Variants in RYR3 observed in about 807,000 individuals in gnomAD.
RYR3 encodes brain ryanodine receptor-calcium release channel.
In RYR3, 207 loss-of-function variants were observed where a neutral mutation model predicts 584.3. That is an observed-to-expected ratio of 0.35 (90% CI 0.32 to 0.40). The LOEUF is 0.40. RYR3 is among the 10% of genes least tolerant of loss of function. The probability of loss-of-function intolerance (pLI) is 1.00; values close to 1 mark genes in which losing one functional copy is unlikely to be tolerated. For missense variants in RYR3, 5,616 were observed against 6,089.2 expected (o/e 0.92, Z 2.59); for synonymous variants, 2,416 against 2,248.5 (o/e 1.07, Z -2.11).
intron 38 of RYR3, among the ~76,000 whole-genome samples, chr15:33,671,165 A>T (rs925668549): frequency 1.3e-5 from 2 of 152,194 alleles, no homozygotes; most frequent in African/African-American, 4.8e-5. Context: ...ATGAAACAAG[A>T]TTATAACTTG....
chr15:33,418,182 A>G (rs1342756096), intron 1 of RYR3, among the ~76,000 whole-genome samples: 2 of 152,058 alleles, frequency 1.3e-5, no homozygotes, highest in African/African-American at 4.8e-5. Flanking sequence ...TCAGAATGAC[A>G]CTAGTTTTAT....
At chr15:33,840,347 T>C (rs1298780904) in intron 89 of RYR3, among the ~76,000 whole-genome samples, 1 of 152,156 alleles carries the variant, frequency 6.6e-6, no homozygotes. Flanking sequence ...AACACCGGGA[T>C]CATGCAAGAC....
intron 1 of RYR3, among the ~76,000 whole-genome samples, chr15:33,342,839 A>T (rs1971992697): frequency 6.6e-6 from 1 of 152,220 alleles, no homozygotes; most frequent in Admixed American, 6.5e-5. Context: ...CTCACAGCCC[A>T]GAAGTTTTAT....
At chr15:33,821,867 T>C (rs190045180) in intron 80 of RYR3, among the ~76,000 whole-genome samples, 1 of 152,364 alleles carries the variant, frequency 6.6e-6, no homozygotes, top group African/African-American at 2.4e-5. Flanking sequence ...GATAACTTTC[T>C]GTATAAATAT....
intron 38 of RYR3, among the ~76,000 whole-genome samples, chr15:33,679,101 T>A (rs1178006498): frequency 2.0e-5 from 3 of 152,130 alleles, no homozygotes; most frequent in Non-Finnish European, 4.4e-5. Context: ...CAGATCAGAC[T>A]TTTGGCCTAG....
intron 69 of RYR3, among the ~76,000 whole-genome samples, chr15:33,805,722 C>T (rs1555465608): frequency 6.6e-6 from 1 of 151,846 alleles, no homozygotes; most frequent in African/African-American, 2.4e-5. Flanking sequence ...CATGATCCGC[C>T]CGCCTCGGCC....
At chr15:33,788,512 C>T in intron 67 of RYR3, 54 bp downstream of exon 67, 3 of 1,590,122 alleles carry the variant, frequency 1.9e-6, no homozygotes, top group South Asian at 1.1e-5. Context: ...CTAGTTTAGG[C>T]AACAGAATAA....
At chr15:33,592,357 G>A (rs1595744803) in intron 16 of RYR3, among the ~76,000 whole-genome samples, 1 of 152,176 alleles carries the variant, frequency 6.6e-6, no homozygotes, top group South Asian at 2.1e-4. Context: ...GGGACTTGGG[G>A]CTAAGCATCT....
intron 74 of RYR3, among the ~76,000 whole-genome samples, chr15:33,814,696 T>G (rs1037011732): frequency 1.8e-4 from 28 of 151,878 alleles, no homozygotes; most frequent in African/African-American, 5.6e-4. Flanking sequence ...GTCAGGAGAT[T>G]GAGACCAGCC....
intron 16 of RYR3, among the ~76,000 whole-genome samples, chr15:33,597,396 T>A (rs530668491): frequency 6.6e-6 from 1 of 152,004 alleles, no homozygotes; most frequent in Non-Finnish European, 1.5e-5. Flanking sequence ...GTGGGCAGAT[T>A]ACGAGGTCAG....
chr15:33,423,667 T>C (rs1050858864), intron 1 of RYR3, among the ~76,000 whole-genome samples: 2 of 152,090 alleles, frequency 1.3e-5, no homozygotes, highest in Admixed American at 6.5e-5. Context: ...GTTTTTTTTT[T>C]AATATTGTCA....
Position 33,862,272 on chromosome 15 carries a change from G to A in RYR3, c.14465+1094G>A, listed in dbSNP as rs565408532. Among the ~76,000 whole-genome samples the A allele has an allele frequency of 9.2e-5, 14 of 152,290 alleles. No individual in the cohort carries two copies. In the South Asian group the frequency reaches 2.7e-3, roughly 29 times the overall value. On this transcript the variant is annotated intron_variant, in intron 102 of 103. Coordinates refer to ENST00000634891, the MANE Select transcript of RYR3 (RefSeq NM_001036.6). ...CCGTTGCCCAGGCTCGAGTGCAGTG[G>A]TATGATCTTGGCTCACTGCAACCTC... is the stretch of plus-strand genomic sequence containing the variant.
chr15:33,608,860 G>T (rs1431172682), intron 18 of RYR3, among the ~76,000 whole-genome samples: 2 of 152,212 alleles, frequency 1.3e-5, no homozygotes, highest in Non-Finnish European at 2.9e-5. Flanking sequence ...CCTCCTGGTG[G>T]TTATTTTCAA....
intron 9 of RYR3, 56 bp downstream of exon 9, chr15:33,548,260 C>T (rs776103753): frequency 6.5e-5 from 70 of 1,070,564 alleles, no homozygotes; most frequent in Admixed American, 1.2e-4. Context: ...TCAGTACAGG[C>T]CGTTCTCTTA....
chr15:33,822,884 A>G, intron 80 of RYR3, 112 bp from the exon 81 acceptor site: 1 of 748,832 alleles, frequency 1.3e-6, no homozygotes, highest in Non-Finnish European at 2.2e-6. Flanking sequence ...CTGATTCCAT[A>G]AGCAGAGCGT....
In RYR3 at chr15:33,629,927, TGTCAC is replaced by T. The variant is rs2061184508; in HGVS notation, c.2680-12_2680-8del. On this transcript the variant is annotated splice_polypyrimidine_tract_variant and splice_region_variant and intron_variant, in intron 21 of 103. Coordinates refer to ENST00000634891, the MANE Select transcript of RYR3 (RefSeq NM_001036.6). Reference sequence around the variant, plus strand: ...AAAACTTAAATCACATTCTTTCTTATGTCACCACCTAGATACGAGATGACAATAAA... The same window carrying T: ...AAAACTTAAATCACATTCTTTCTTATCACCTAGATACGAGATGACAATAAA... The T allele has an allele frequency of 4.7e-6, 7 of 1,494,794 alleles. No individual in the cohort carries two copies. The highest frequency in any genetic ancestry group is 1.7e-4 in the Middle Eastern group (1 of 5,814). 92.6% of individuals were successfully genotyped at this position (1,494,794 alleles called of 1,614,324 possible).
At chr15:33,699,639 T>G in intron 40 of RYR3, 65 bp from the exon 41 acceptor site, 2 of 1,509,962 alleles carry the variant, frequency 1.3e-6, no homozygotes, top group Non-Finnish European at 1.8e-6. Context: ...GACTCTGAGG[T>G]CAGAGTTTTC....
chr15:33,771,406 TG>T (rs2073563273), intron 62 of RYR3, among the ~76,000 whole-genome samples: 1 of 151,122 alleles, frequency 6.6e-6, no homozygotes, highest in Non-Finnish European at 1.5e-5. Flanking sequence ...TGGTGGCGGG[TG>T]CCTGTAATCC....
At chr15:33,623,728 A>T in intron 19 of RYR3, 79 bp from the exon 20 acceptor site, 1 of 1,033,548 alleles carries the variant, frequency 9.7e-7, no homozygotes, top group East Asian at 2.4e-5. Flanking sequence ...GGAGGTAGGG[A>T]TTGATCTTTA....
Sources: gnomAD v4.1 joint callset for allele counts (sites outside exome capture counted in the v4.1 genomes callset) on GRCh38, gnomAD v4.1.1 for gene constraint, MANE v1.5 for transcripts, NCBI Gene and HGNC (gene_info 2026-07-23, HGNC 2026-07-21) for gene names.